The following RBPJL variants were observed in gnomAD, a reference collection of about 807,000 sequenced individuals.
The protein encoded by RBPJL is recombining binding protein suppressor of hairless-like protein.
A neutral mutation model predicts 57.6 loss-of-function variants in RBPJL; 50 were observed. The observed-to-expected ratio is 0.87, with a 90% CI of 0.69 to 1.10. The LOEUF (loss-of-function observed/expected upper bound fraction) is 1.10. Ranked by LOEUF, RBPJL falls within the 50% of genes least tolerant of loss-of-function variation. The pLI is 0.00. For missense variants in RBPJL, 684 were observed against 693.7 expected, an observed-to-expected ratio of 0.99 and a Z score of 0.16; for synonymous variants, 303 against 294.4, an observed-to-expected ratio of 1.03 and a Z score of -0.30.
chr20:45,314,082 G>A lies in RBPJL; in HGVS notation c.805G>A (p.Val269Ile), dbSNP rs568551533. 5.0e-5 allele frequency: 80 copies of A among 1,614,230 alleles called. No individual in the cohort carries two copies. Among genetic ancestry groups the A allele is most frequent in the Admixed American group, 1.2e-4 (7 of 60,036 alleles). Residue 269 changes from valine to isoleucine, a missense_variant, in exon 8 of 12, where the codon GTT becomes ATT. Physicochemically the swap from Val to Ile is conservative, Grantham distance 29. Transcript: ENST00000343694. Reference protein sequence around the residue: ...QGDFPPREGYVRYGSLVQLVC... With the variant: ...QGDFPPREGYIRYGSLVQLVC... Reference sequence around the variant, plus strand: ...AGACTTCCCACCGCGAGAGGGCTACGTTCGCTATGGCTCCCTGGTGCAGCT... The same window carrying A: ...AGACTTCCCACCGCGAGAGGGCTACATTCGCTATGGCTCCCTGGTGCAGCT...
Position 45,311,887 on chromosome 20 carries a change from T to C in RBPJL, c.377T>C (p.Leu126Pro). The C allele has an allele frequency of 6.4e-7, 1 of 1,551,534 alleles. No homozygotes were observed. The highest frequency in any genetic ancestry group is 8.7e-7 in the Non-Finnish European group (1 of 1,147,062). The stretch of plus-strand genomic sequence containing the variant: ...CCCACGGTCTGCGGTTACATGGGAC[T>C]GGACAGCGCGTCCGGCAGCGCCACT... ...TGPTVCGYMG[L>P]DSASGSATET... Residue 126 changes from leucine to proline, a missense_variant, in exon 5 of 12, where the codon CTG (leucine) becomes CCG (proline). Transcript: ENST00000343694.
chr20:45,316,772 C>T lies in RBPJL; in HGVS notation c.1367C>T (p.Pro456Leu). Reference sequence around the variant, plus strand: ...TGGCTGCGCGCTCCCATCACAATCCCCATGAGCCTGGTGCGCGCCGACGGG... The same window carrying T: ...TGGCTGCGCGCTCCCATCACAATCCTCATGAGCCTGGTGCGCGCCGACGGG... ...WRWLRAPITI[P>L]MSLVRADGLF... Residue 456 changes from proline (P) to leucine (L), a missense_variant, in exon 12 of 12, where the codon CCC (proline) becomes CTC (leucine). Pro to Leu is a moderately conservative substitution (Grantham distance 98). Coordinates refer to ENST00000343694, the MANE Select transcript of RBPJL (RefSeq NM_014276.4). The T allele has an allele frequency of 6.2e-7, 1 of 1,613,902 alleles. No individual in the cohort carries two copies. The highest frequency in any genetic ancestry group is 8.5e-7 in the Non-Finnish European group (1 of 1,179,842).
At chr20:45,312,014 G>A (rs1357524636) in intron 5 of RBPJL, 60 bp downstream of exon 5, 13 of 1,476,586 alleles carry the variant, frequency 8.8e-6, no homozygotes, top group East Asian at 2.4e-5. Context: ...CCTGGGAAAG[G>A]AGGGCTCCTT....
intron 9 of RBPJL, 85 bp downstream of exon 9, chr20:45,314,650 A>G (rs1339318438): frequency 8.8e-6 from 12 of 1,362,104 alleles, no homozygotes; most frequent in East Asian, 2.3e-5. Context: ...CACCCTCACC[A>G]TGGTTGCTAC....
rs770777562 is a variant in RBPJL at position 45,309,668 on chromosome 20, A to T, written c.233A>T (p.Gln78Leu). Residue 78 changes from glutamine to leucine, a missense_variant, in exon 3 of 12, where the codon CAG becomes CTG. Gln to Leu is a moderately radical substitution (Grantham distance 113). Transcript: ENST00000343694. Reference protein sequence around the residue: ...TVRILHAKVAQKSYGNEKRFF... With the variant: ...TVRILHAKVALKSYGNEKRFF... ...CGGATCCTGCATGCCAAGGTGGCCCAGAAATCATACGGAAATGAGAAGCGG... is the reference window on the plus strand; with the variant it reads ...CGGATCCTGCATGCCAAGGTGGCCCTGAAATCATACGGAAATGAGAAGCGG... 6.8e-6 allele frequency: 11 copies of T among 1,613,756 alleles called. No individual in the cohort carries two copies. The South Asian group carries it at 1.2e-4, about 18-fold the overall frequency.
Position 45,316,224 on chromosome 20 carries a change from T to C in RBPJL, c.1058T>C (p.Leu353Pro). 6.2e-7 allele frequency: 1 copy of C among 1,614,264 alleles called. No homozygotes were observed. Among genetic ancestry groups the C allele is most frequent in the Non-Finnish European group, 8.5e-7 (1 of 1,180,040 alleles). ...CCCAAGGAGGCGAACAGGGCTCTGCTTAACGACAGCTCTTGCTGGACCATC... is the reference window on the plus strand; with the variant it reads ...CCCAAGGAGGCGAACAGGGCTCTGCCTAACGACAGCTCTTGCTGGACCATC... Reference protein sequence around the residue: ...PCPKEANRALLNDSSCWTIIG... With the variant: ...PCPKEANRALPNDSSCWTIIG... The change falls in exon 10 of 12, where the codon CTT (leucine) becomes CCT (proline). Residue 353 changes from leucine (L) to proline (P), a missense_variant. Leu to Pro is a moderately conservative substitution (Grantham distance 98). Coordinates refer to ENST00000343694, the MANE Select transcript of RBPJL (RefSeq NM_014276.4).
chr20:45,309,519 G>A, intron 2 of RBPJL, 48 bp from the exon 3 acceptor site: 1 of 1,572,918 alleles, frequency 6.4e-7, no homozygotes, highest in South Asian at 1.2e-5. Context: ...GTGCCACCTT[G>A]ACCCTTCTCC....
chr20:45,309,073 C>T (rs1986994958), intron 2 of RBPJL, among the ~76,000 whole-genome samples: 1 of 152,072 alleles, frequency 6.6e-6, no homozygotes, highest in South Asian at 2.1e-4. Context: ...AGGCAGGAGG[C>T]TAGAGAGCGC....
At chr20:45,316,000 A>G (rs185845109) in intron 9 of RBPJL, 187 bp from the exon 10 acceptor site, 148 of 421,870 alleles carry the variant, frequency 3.5e-4, no homozygotes, top group African/African-American at 2.6e-3. Context: ...AGCTAGCTCA[A>G]CAAGCTTTCT....
rs1644734818 is a variant in RBPJL, at chr20:45,315,150, T to C, written c.1020+585T>C. ...TGTAAATAAAAATCATGATAGGTAA[T>C]AGAGAGCAGAGAATTAATGAGCAAA... On this transcript the variant is annotated intron_variant, in intron 9 of 11. Transcript: ENST00000343694. Among the ~76,000 whole-genome samples the C allele has an allele frequency of 2.6e-5, 4 of 151,896 alleles. No individual in the cohort carries two copies. The South Asian group carries it at 8.3e-4, about 32-fold the overall frequency.
At chr20:45,312,838 AAAAAAAAAG>A (rs1412466187) in intron 6 of RBPJL, among the ~76,000 whole-genome samples, 21 of 151,382 alleles carry the variant, frequency 1.4e-4, no homozygotes, top group African/African-American at 4.4e-4. Flanking sequence ...AAAAAAAAAA[AAAAAAAAAG>A]AAAAAGAAAA....
In RBPJL at chr20:45,316,211, A is replaced by G; in HGVS notation, c.1045A>G (p.Asn349Asp). The change falls in exon 10 of 12, where the codon AAC becomes GAC. Residue 349 changes from asparagine to aspartate, a missense_variant. Physicochemically the swap from Asn to Asp is conservative, Grantham distance 23. Transcript: ENST00000343694. ...FQASPCPKEA[N>D]RALLNDSSCW... ...GGCCTCTCCCTGCCCCAAGGAGGCG[A>G]ACAGGGCTCTGCTTAACGACAGCTC... 1 of 1,614,228 alleles carries G rather than the reference A, an allele frequency of 6.2e-7. No individual in the cohort carries two copies. The highest frequency in any genetic ancestry group is 8.5e-7 in the Non-Finnish European group (1 of 1,180,028).
chr20:45,310,172 G>A (rs1481939426), intron 3 of RBPJL, among the ~76,000 whole-genome samples: 24 of 152,158 alleles, frequency 1.6e-4, no homozygotes, highest in Non-Finnish European at 4.4e-5. Flanking sequence ...GCCATTTGAC[G>A]GAAACTGAAG....
chr20:45,313,916 A>C, intron 7 of RBPJL, 119 bp from the exon 8 acceptor site: 3 of 781,374 alleles, frequency 3.8e-6, no homozygotes, highest in Non-Finnish European at 4.3e-6. Context: ...CCTGAGTACC[A>C]AGCTTTCCCG....
chr20:45,309,704 C>T lies in RBPJL; in HGVS notation c.257+12C>T, dbSNP rs754382712. The T allele has an allele frequency of 1.1e-5, 17 of 1,613,250 alleles. No homozygotes were observed. Among genetic ancestry groups the T allele is most frequent in the African/African-American group, 2.7e-5 (2 of 74,992 alleles). On this transcript the variant is annotated intron_variant, in intron 3 of 11. Transcript: ENST00000343694. ...GGAAATGAGAAGCGGTAGGTGCCTC[C>T]GCAGCCCCTCCCAGGTCTCTGCAAC...
At chr20:45,309,218 G>A (rs1366909255) in intron 2 of RBPJL, among the ~76,000 whole-genome samples, 1 of 152,114 alleles carries the variant, frequency 6.6e-6, no homozygotes, top group Admixed American at 6.5e-5. Flanking sequence ...CCCAAGGCCA[G>A]TATAAGTGCA....
chr20:45,313,904 C>T (rs1987320592), intron 7 of RBPJL, 131 bp from the exon 8 acceptor site: 2 of 738,948 alleles, frequency 2.7e-6, no homozygotes, highest in Admixed American at 4.5e-5. Context: ...TCAGTTGGCT[C>T]CCCTGAGTAC....
chr20:45,316,389 C>T (rs768896892), intron 10 of RBPJL, 47 bp downstream of exon 10: 1 of 1,607,328 alleles, frequency 6.2e-7, no homozygotes, highest in Admixed American at 1.7e-5. Flanking sequence ...CCTGCCTGCA[C>T]TGGGCAGTGG....
At chr20:45,306,970 C>T in intron 1 of RBPJL, 26 bp downstream of exon 1, 2 of 1,247,310 alleles carry the variant, frequency 1.6e-6, no homozygotes, top group Non-Finnish European at 2.0e-6. Context: ...CCCGAGGCCC[C>T]GGAGACGCCC....
Sources: allele counts gnomAD v4.1 joint callset (sites outside exome capture counted in the v4.1 genomes callset), GRCh38; gene constraint gnomAD v4.1.1; transcripts MANE v1.5; gene names NCBI Gene and HGNC (gene_info 2026-07-23, HGNC 2026-07-21).